Variants in SGCD observed in about 807,000 individuals in gnomAD.
The protein encoded by SGCD is sarcoglycan delta.
In SGCD, 18 loss-of-function variants were observed where a neutral mutation model predicts 36.6. That is an observed-to-expected ratio of 0.49 (90% CI 0.34 to 0.73). SGCD has a LOEUF of 0.73. Ranked by LOEUF, SGCD falls within the 30% of genes least tolerant of loss-of-function variation. The pLI is 0.01. For synonymous variants in SGCD, 133 were observed against 130.6 expected (o/e 1.02, Z -0.12); for missense variants, 387 against 346.7 (o/e 1.12, Z -0.92).
chr5:156,122,890 G>C (rs1328477937), intron 2 of SGCD, among the ~76,000 whole-genome samples: 10 of 116,488 alleles, frequency 8.6e-5, no homozygotes, highest in African/African-American at 3.4e-4. Flanking sequence ...AAAAAGGTCA[G>C]CTGCTGGATT....
intron 3 of SGCD, among the ~76,000 whole-genome samples, chr5:156,401,844 C>A (rs1290633133): frequency 6.6e-6 from 1 of 152,104 alleles, no homozygotes; most frequent in South Asian, 2.1e-4. Flanking sequence ...TAAGTACATG[C>A]ATATTATTGT....
At chr5:156,309,553 T>A (rs1294187329) in intron 3 of SGCD, among the ~76,000 whole-genome samples, 1 of 151,872 alleles carries the variant, frequency 6.6e-6, no homozygotes. Context: ...ATTTTGTTCA[T>A]ACATAATTTC....
At chr5:155,776,335 G>A in the SGCD span, among the ~76,000 whole-genome samples, 1 of 152,064 alleles carries the variant, frequency 6.6e-6, no homozygotes, top group Non-Finnish European at 1.5e-5. Context: ...AAGTCAGTTT[G>A]CCCCCTTTGA....
At chr5:156,139,075 T>C (rs906521986) in intron 3 of SGCD, among the ~76,000 whole-genome samples, 4 of 152,218 alleles carry the variant, frequency 2.6e-5, no homozygotes, top group Non-Finnish European at 4.4e-5. Flanking sequence ...ATTCCAGATA[T>C]AGTTCTATGT....
chr5:156,411,051 T>A (rs890469314), intron 3 of SGCD, among the ~76,000 whole-genome samples: 1 of 152,240 alleles, frequency 6.6e-6, no homozygotes, highest in African/African-American at 2.4e-5. Context: ...TCTTTGGTAT[T>A]ATTTTAAAAT....
At chr5:156,364,222 C>T (rs924745102) in intron 3 of SGCD, among the ~76,000 whole-genome samples, 17 of 152,144 alleles carry the variant, frequency 1.1e-4, no homozygotes, top group Non-Finnish European at 2.2e-4. Context: ...ACTTTTCCCT[C>T]AAAATGGTCA....
chr5:155,974,815 G>A (rs974144424), intron 1 of SGCD, among the ~76,000 whole-genome samples: 1 of 152,020 alleles, frequency 6.6e-6, no homozygotes, highest in African/African-American at 2.4e-5. Context: ...TCCCCGTGGA[G>A]AATGGGAGGC....
At chr5:156,413,799 T>C (rs1011991042) in intron 3 of SGCD, among the ~76,000 whole-genome samples, 4 of 152,204 alleles carry the variant, frequency 2.6e-5, no homozygotes, top group Non-Finnish European at 5.9e-5. Context: ...GGATTTCTAA[T>C]AGGTTAGCTT....
At chr5:155,974,758 C>T (rs959345483) in intron 1 of SGCD, among the ~76,000 whole-genome samples, 6 of 152,086 alleles carry the variant, frequency 3.9e-5, no homozygotes, top group African/African-American at 1.4e-4. Context: ...TCAGAGCTTG[C>T]CTGGTTCCCA....
chr5:156,535,824 A>G (rs1758081992), intron 4 of SGCD, among the ~76,000 whole-genome samples: 1 of 152,194 alleles, frequency 6.6e-6, no homozygotes, highest in South Asian at 2.1e-4. Context: ...ATGAGCCATC[A>G]CAGTATAATT....
chr5:156,139,463 TTC>T (rs1305212021), intron 3 of SGCD, among the ~76,000 whole-genome samples: 2 of 152,250 alleles, frequency 1.3e-5, no homozygotes, highest in South Asian at 2.1e-4. Flanking sequence ...GTTTCTCTGC[TTC>T]TCTTACCTCC....
chr5:155,733,792 C>G, the SGCD span, among the ~76,000 whole-genome samples: 5 of 152,080 alleles, frequency 3.3e-5, no homozygotes, highest in African/African-American at 9.7e-5. Flanking sequence ...GCTTTTATAA[C>G]TTTGGTCTGG....
At chr5:155,954,575 T>G (rs1757610547) in intron 1 of SGCD, among the ~76,000 whole-genome samples, 1 of 151,852 alleles carries the variant, frequency 6.6e-6, no homozygotes, top group African/African-American at 2.4e-5. Flanking sequence ...TTTTTTTTTT[T>G]TTTTGGGTTA....
chr5:156,688,235 G>T (rs1753979110), intron 7 of SGCD, among the ~76,000 whole-genome samples: 2 of 151,956 alleles, frequency 1.3e-5, no homozygotes, highest in African/African-American at 4.8e-5. Context: ...TAAACCAGTT[G>T]CTATTTTTGG....
chr5:156,487,813 A>AAAAAAAAAAAAAAAAAAAAAAAAAAAAG (rs1554107842), intron 3 of SGCD, among the ~76,000 whole-genome samples: 2 of 77,812 alleles, frequency 2.6e-5, no homozygotes, highest in African/African-American at 8.7e-5. Context: ...AAAAAAAAAA[A>AAAAAAAAAAAAAAAAAAAAAAAAAAAAG]AAAGAAAGAA....
intron 1 of SGCD, among the ~76,000 whole-genome samples, chr5:155,902,630 C>T (rs1756415133): frequency 6.6e-6 from 1 of 152,156 alleles, no homozygotes; most frequent in Non-Finnish European, 1.5e-5. Flanking sequence ...TCTGACTTTA[C>T]TTCCTTGACC....
At chr5:156,253,636 C>T (rs62382682) in intron 3 of SGCD, among the ~76,000 whole-genome samples, 8,183 of 152,126 alleles carry the variant, frequency 0.054, 252 homozygotes, top group Non-Finnish European at 0.069. Context: ...ATCATAACAA[C>T]GAGTATATTA....
intron 4 of SGCD, among the ~76,000 whole-genome samples, chr5:156,526,754 C>A (rs1333080975): frequency 6.6e-6 from 1 of 152,108 alleles, no homozygotes; most frequent in Non-Finnish European, 1.5e-5. Context: ...TTTTTTTAAA[C>A]AGACACATAA....
At chr5:156,720,668 A>G (rs978627879) in intron 7 of SGCD, among the ~76,000 whole-genome samples, 1 of 152,214 alleles carries the variant, frequency 6.6e-6, no homozygotes, top group Non-Finnish European at 1.5e-5. Context: ...TGAAGAATCA[A>G]TGGGTGCCCA....
Sources: allele counts gnomAD v4.1 joint callset (sites outside exome capture counted in the v4.1 genomes callset), GRCh38; gene constraint gnomAD v4.1.1; transcripts MANE v1.5; gene names NCBI Gene and HGNC (gene_info 2026-07-23, HGNC 2026-07-21).